Variants in FHAD1 observed in about 807,000 individuals in gnomAD.
The protein encoded by FHAD1 is forkhead-associated domain-containing protein 1.
In FHAD1, 146 loss-of-function variants were observed where a neutral mutation model predicts 191.3. That is an observed-to-expected ratio of 0.76 (90% CI 0.67 to 0.88). FHAD1 has a LOEUF of 0.88. Among genes scored for constraint, FHAD1 ranks in the 40% least tolerant of loss-of-function variants. FHAD1 has a pLI of 0.00. For missense variants in FHAD1, 1,635 were observed against 1,785.8 expected, an observed-to-expected ratio of 0.92 and a Z score of 1.52; for synonymous variants, 616 against 672.3, an observed-to-expected ratio of 0.92 and a Z score of 1.29.
chr1:15,270,441 C>T (rs1464458554), intron 2 of FHAD1, among the ~76,000 whole-genome samples: 1 of 152,076 alleles, frequency 6.6e-6, no homozygotes, highest in Non-Finnish European at 1.5e-5. Context: ...GTCTCAGTTT[C>T]CCTATCTACC....
chr1:15,258,678 C>T (rs1051404443), intron 2 of FHAD1, among the ~76,000 whole-genome samples: 8 of 151,766 alleles, frequency 5.3e-5, no homozygotes, highest in Non-Finnish European at 7.4e-5. Context: ...CTCTGCCACC[C>T]GGGTTCAAGT....
At position 15,318,179 on chromosome 1, in the gene FHAD1, T is replaced by A. The variant is rs1675082548; in HGVS notation, c.1365+251T>A. ...CCTCACTGCCTTCTAAAACTGTTTC[T>A]TGCTTTTTGGTAATGAGACCCACCT... is the stretch of plus-strand genomic sequence containing the variant. On this transcript the variant is annotated intron_variant, in intron 10 of 33. Transcript: ENST00000688493. The surrounding 1 kb of genome is among the most constrained non-coding windows in gnomAD (Gnocchi z 4.1). Among the ~76,000 whole-genome samples the A allele has an allele frequency of 6.6e-6, 1 of 152,218 alleles. No individual in the cohort carries two copies. Among genetic ancestry groups the A allele is most frequent in the African/African-American group, 2.4e-5 (1 of 41,450 alleles).
At chr1:15,237,701 A>T (rs909623864) in intron 1 of FHAD1, among the ~76,000 whole-genome samples, 1 of 152,212 alleles carries the variant, frequency 6.6e-6, no homozygotes, top group Non-Finnish European at 1.5e-5. Context: ...TTCTTAGGAG[A>T]GGTCAGAAAA....
rs956809593 is a variant in FHAD1 at position 15,381,836 on chromosome 1, C to T, written c.4023-192C>T. On this transcript the variant is annotated intron_variant, in intron 30 of 33. Coordinates refer to ENST00000688493, the MANE Select transcript of FHAD1 (RefSeq NM_001391957.1). This position sits in a 1 kb window ranked among gnomAD's most constrained non-coding sequence, Gnocchi z 4.6. ...GCACATCCTTTATCCCCTCCCGCTACACACATTCGGCTGATGAATGGCTCG... is the reference window on the plus strand; with the variant it reads ...GCACATCCTTTATCCCCTCCCGCTATACACATTCGGCTGATGAATGGCTCG... 3.3e-5 allele frequency among the ~76,000 whole-genome samples: 5 copies of T among 151,824 alleles called. No individual in the cohort carries two copies. Among genetic ancestry groups the T allele is most frequent in the Non-Finnish European group, 7.4e-5 (5 of 68,012 alleles).
rs143464998 is a variant in FHAD1, at chr1:15,360,571, A to G, written c.2830A>G (p.Ile944Val). Residue 944 changes from isoleucine (I) to valine (V), a missense_variant, in exon 22 of 34, where the codon ATC becomes GTC. By Grantham distance (29) the Ile-to-Val change is conservative. Transcript: ENST00000688493. ...ACAGAGACACGGGTTTGAAGAAGAG[A>G]TCATGGAATATAAGGAGCAAATCAA... ...ESQRHGFEEE[I>V]MEYKEQIKQH... The G allele has an allele frequency of 5.8e-6, 9 of 1,552,126 alleles. No homozygotes were observed. Among genetic ancestry groups the G allele is most frequent in the Middle Eastern group, 1.7e-4 (1 of 5,994 alleles).
At chr1:15,254,645 G>A (rs960504071) in intron 2 of FHAD1, among the ~76,000 whole-genome samples, 9 of 152,164 alleles carry the variant, frequency 5.9e-5, no homozygotes, top group African/African-American at 2.2e-4. Context: ...CTTGGCCTTA[G>A]TTTAAAAAGT....
At chr1:15,293,535 T>C (rs142917256) in intron 4 of FHAD1, among the ~76,000 whole-genome samples, 1,794 of 152,230 alleles carry the variant, frequency 0.012, 47 homozygotes, top group African/African-American at 0.04. Flanking sequence ...CTGACTAACA[T>C]GGTGAAACCC....
Position 15,360,525 on chromosome 1 carries a change from C to T in FHAD1, c.2784C>T (p.Ala928=). Residue 928 remains alanine (A), a synonymous_variant, in exon 22 of 34, where the codon GCC becomes GCT. Coordinates refer to ENST00000688493, the MANE Select transcript of FHAD1 (RefSeq NM_001391957.1). Reference sequence around the variant, plus strand: ...TCCTGCAGCAGAAGATGGTAAAGGCCCTCCAGGATGAGCAGGAATCACAGA... The same window carrying T: ...TCCTGCAGCAGAAGATGGTAAAGGCTCTCCAGGATGAGCAGGAATCACAGA... ...RLILQQKMVK[A]LQDEQESQRH... The T allele has an allele frequency of 4.5e-6, 7 of 1,551,568 alleles. No homozygotes were observed. Among genetic ancestry groups the T allele is most frequent in the Non-Finnish European group, 5.2e-6 (6 of 1,146,890 alleles).
intron 19 of FHAD1, 136 bp downstream of exon 19, chr1:15,349,285 G>A (rs1396521657): frequency 4.5e-6 from 3 of 669,210 alleles, no homozygotes; most frequent in South Asian, 1.9e-5. Flanking sequence ...TTTACTGGCT[G>A]TGTGACCTCC....
intron 7 of FHAD1, among the ~76,000 whole-genome samples, chr1:15,309,167 C>T (rs1018361374): frequency 1.7e-4 from 26 of 152,124 alleles, no homozygotes; most frequent in Admixed American, 5.2e-4. Flanking sequence ...GCTCTTGGGC[C>T]GGAGCGAAAG....
chr1:15,334,432 C>T (rs1257125958), intron 14 of FHAD1: 1 of 152,180 alleles, frequency 6.6e-6, no homozygotes, highest in African/African-American at 2.4e-5. Context: ...TACCCTGAGC[C>T]ATAACCACAG....
At chr1:15,278,714 T>C (rs1255716315) in intron 3 of FHAD1, among the ~76,000 whole-genome samples, 1 of 152,128 alleles carries the variant, frequency 6.6e-6, no homozygotes, top group African/African-American at 2.4e-5. Flanking sequence ...CCTCAGGTGA[T>C]CTGCCCACCT....
At chr1:15,264,753 G>A (rs754561842) in intron 2 of FHAD1, among the ~76,000 whole-genome samples, 2 of 152,006 alleles carry the variant, frequency 1.3e-5, no homozygotes, top group Non-Finnish European at 2.9e-5. Flanking sequence ...CTCATTCCTG[G>A]TCTTAGAGGA....
At chr1:15,302,220 G>A (rs2100915278) in intron 6 of FHAD1, among the ~76,000 whole-genome samples, 1 of 152,308 alleles carries the variant, frequency 6.6e-6, no homozygotes, top group East Asian at 1.9e-4. Context: ...CCCAGCCAGA[G>A]AGAGCTATGG....
chr1:15,373,811 A>C (rs1313762175), intron 26 of FHAD1, among the ~76,000 whole-genome samples: 2 of 152,228 alleles, frequency 1.3e-5, no homozygotes, highest in African/African-American at 4.8e-5. Context: ...ATGCCATTGC[A>C]TTCCAACCTG....
At chr1:15,317,479 A>C (rs1674853546) in intron 9 of FHAD1, among the ~76,000 whole-genome samples, 1 of 152,230 alleles carries the variant, frequency 6.6e-6, no homozygotes, top group African/African-American at 2.4e-5. Flanking sequence ...TGAGTCTTCC[A>C]AACAGTTGGC....
At chr1:15,402,832 T>C (rs1409964421), downstream of FHAD1, 2 of 152,162 alleles carry the variant, frequency 1.3e-5, no homozygotes, top group African/African-American at 4.8e-5. Flanking sequence ...TGTCTACTAA[T>C]GAATGAGGGC....
intron 1 of FHAD1, among the ~76,000 whole-genome samples, chr1:15,237,874 C>T (rs1280078122): frequency 6.6e-6 from 1 of 152,062 alleles, no homozygotes; most frequent in Non-Finnish European, 1.5e-5. Flanking sequence ...AAATGTCCAG[C>T]GTGAGGGGAT....
intron 6 of FHAD1, among the ~76,000 whole-genome samples, chr1:15,306,645 C>A (rs1258795518): frequency 6.6e-6 from 1 of 152,196 alleles, no homozygotes; most frequent in Non-Finnish European, 1.5e-5. Flanking sequence ...CTAAAAGGGG[C>A]CAACATAGAG....
Sources: gnomAD v4.1 joint callset for allele counts (sites outside exome capture counted in the v4.1 genomes callset) on GRCh38, gnomAD v4.1.1 for gene constraint, Gnocchi (gnomAD v3.1) non-coding constraint, MANE v1.5 for transcripts, NCBI Gene and HGNC (gene_info 2026-07-23, HGNC 2026-07-21) for gene names.